The following CSTPP1 variants were observed in gnomAD, a reference collection of about 807,000 sequenced individuals.
CSTPP1 encodes the protein centriolar satellite-associated tubulin polyglutamylase complex regulator 1.
chr11:47,145,567 G>A, the CSTPP1 span, among the ~76,000 whole-genome samples: 6 of 152,040 alleles, frequency 3.9e-5, no homozygotes, highest in Non-Finnish European at 7.4e-5. Context: ...AGCTGAGATC[G>A]CACCATTGCA....
chr11:47,122,091 A>AAAAAAAT, the CSTPP1 span, among the ~76,000 whole-genome samples: 132 of 31,778 alleles, frequency 4.2e-3, 2 homozygotes, highest in African/African-American at 7.4e-3. Flanking sequence ...AAAAAAAAAA[A>AAAAAAAT]ATATATATAT....
At chr11:47,011,359 G>A in the CSTPP1 span, among the ~76,000 whole-genome samples, 2 of 152,216 alleles carry the variant, frequency 1.3e-5, no homozygotes, top group East Asian at 3.8e-4. Context: ...CAGATTAATA[G>A]ATAGAACTTT....
chr11:47,122,768 C>T, the CSTPP1 span, among the ~76,000 whole-genome samples: 1 of 152,018 alleles, frequency 6.6e-6, no homozygotes, highest in African/African-American at 2.4e-5. Flanking sequence ...TTAGTAGAAA[C>T]GTGGTTTGCC....
At chr11:47,138,235 AGG>A in the CSTPP1 span, among the ~76,000 whole-genome samples, 1 of 152,222 alleles carries the variant, frequency 6.6e-6, no homozygotes, top group Non-Finnish European at 1.5e-5. Flanking sequence ...AAGTACAGAC[AGG>A]GGAAATGTCA....
At chr11:47,070,830 G>A in the CSTPP1 span, among the ~76,000 whole-genome samples, 1 of 152,216 alleles carries the variant, frequency 6.6e-6, no homozygotes, top group Admixed American at 6.5e-5. Flanking sequence ...AATGAAATAT[G>A]AATTTATGAC....
At chr11:47,139,011 A>C in the CSTPP1 span, among the ~76,000 whole-genome samples, 3 of 141,564 alleles carry the variant, frequency 2.1e-5, no homozygotes, top group African/African-American at 5.3e-5. Context: ...AAAAAAAAAA[A>C]ACCTGAGCTA....
the CSTPP1 span, among the ~76,000 whole-genome samples, chr11:47,060,992 GC>G: frequency 1.3e-5 from 2 of 152,198 alleles, no homozygotes; most frequent in African/African-American, 4.8e-5. Flanking sequence ...GACAGGATTT[GC>G]TGATTCATTG....
the CSTPP1 span, chr11:47,161,692 T>C: frequency 1.3e-6 from 2 of 1,542,620 alleles, no homozygotes; most frequent in East Asian, 2.3e-5. Context: ...ACCCAGCCCT[T>C]GGTGTGCCCA....
At chr11:46,998,000 CG>C in the CSTPP1 span, among the ~76,000 whole-genome samples, 2 of 152,170 alleles carry the variant, frequency 1.3e-5, no homozygotes, top group African/African-American at 4.8e-5. Context: ...TTAGGCTACT[CG>C]GGGGTCAGGG....
chr11:47,161,191 G>GT, the CSTPP1 span: 244 of 1,613,652 alleles, frequency 1.5e-4, no homozygotes, highest in Middle Eastern at 1.0e-3. Context: ...TGGAACGGCT[G>GT]TAAGTGTCAA....
chr11:46,974,357 G>A, the CSTPP1 span, among the ~76,000 whole-genome samples: 4 of 150,366 alleles, frequency 2.7e-5, no homozygotes, highest in Non-Finnish European at 1.5e-5. Flanking sequence ...GTGCAACCCC[G>A]TCTCTACTAA....
chr11:46,977,389 A>G, the CSTPP1 span, among the ~76,000 whole-genome samples: 1 of 152,206 alleles, frequency 6.6e-6, no homozygotes, highest in Non-Finnish European at 1.5e-5. Flanking sequence ...TAGAATGACA[A>G]AGTTTTTAAA....
At chr11:46,997,934 AG>A in the CSTPP1 span, among the ~76,000 whole-genome samples, 64 of 152,264 alleles carry the variant, frequency 4.2e-4, 2 homozygotes, top group South Asian at 0.013. Flanking sequence ...TTTGTCTCAG[AG>A]GGGCACCCAG....
chr11:46,948,792 A>T, the CSTPP1 span, among the ~76,000 whole-genome samples: 2 of 152,206 alleles, frequency 1.3e-5, no homozygotes, highest in Non-Finnish European at 2.9e-5. Flanking sequence ...TAAACTTCAT[A>T]AACAGTGAAC....
At chr11:47,062,007 C>T in the CSTPP1 span, among the ~76,000 whole-genome samples, 1 of 152,114 alleles carries the variant, frequency 6.6e-6, no homozygotes, top group African/African-American at 2.4e-5. Context: ...CCACCTGAAG[C>T]TCCTCAACCC....
chr11:46,944,089 G>A, the CSTPP1 span, among the ~76,000 whole-genome samples: 1 of 151,878 alleles, frequency 6.6e-6, no homozygotes, highest in Non-Finnish European at 1.5e-5. Flanking sequence ...AGGCCGAGGC[G>A]GGTGGATCAC....
At chr11:47,157,155 A>G in the CSTPP1 span, 1 of 1,612,900 alleles carries the variant, frequency 6.2e-7, no homozygotes, top group Non-Finnish European at 8.5e-7. Flanking sequence ...GGCACGCTGG[A>G]GGGCGTGGAG....
At chr11:47,035,324 C>A in the CSTPP1 span, among the ~76,000 whole-genome samples, 188 of 152,300 alleles carry the variant, frequency 1.2e-3, no homozygotes, top group African/African-American at 4.3e-3. Context: ...AGTGACACTT[C>A]GTATGGGTCC....
chr11:47,110,447 T>C, the CSTPP1 span, among the ~76,000 whole-genome samples: 1 of 152,250 alleles, frequency 6.6e-6, no homozygotes, highest in Non-Finnish European at 1.5e-5. Context: ...ATTTTAATAA[T>C]GGTCTTAATT....
Sources: allele counts gnomAD v4.1 joint callset (sites outside exome capture counted in the v4.1 genomes callset), GRCh38; gene constraint gnomAD v4.1.1; transcripts MANE v1.5; gene names NCBI Gene and HGNC (gene_info 2026-07-23, HGNC 2026-07-21).